Variants in PPP3CA observed in about 807,000 individuals in gnomAD.
The protein encoded by PPP3CA is CAM-PRP catalytic subunit.
A neutral mutation model predicts 66.5 loss-of-function variants in PPP3CA; 14 were observed. The ratio of observed to expected loss-of-function variants is 0.21; its 90% CI spans 0.14 to 0.33. The LOEUF (loss-of-function observed/expected upper bound fraction) is 0.33, where lower values mean the gene tolerates loss of function less well. Ranked by LOEUF, PPP3CA falls within the 10% of genes least tolerant of loss-of-function variation. The pLI is 1.00. For synonymous variants in PPP3CA, 232 were observed against 226.2 expected, an observed-to-expected ratio of 1.03 and a Z score of -0.23; for missense variants, 317 against 639.5, an observed-to-expected ratio of 0.50 and a Z score of 5.44.
At chr4:101,134,866 T>G (rs1289320087) in intron 2 of PPP3CA, among the ~76,000 whole-genome samples, 1 of 152,164 alleles carries the variant, frequency 6.6e-6, no homozygotes, top group Non-Finnish European at 1.5e-5. Context: ...AAAGAAAATG[T>G]GGCACATATA....
intron 1 of PPP3CA, among the ~76,000 whole-genome samples, chr4:101,328,145 GT>G (rs1729263673): frequency 6.6e-6 from 1 of 152,176 alleles, no homozygotes; most frequent in Admixed American, 6.5e-5. Context: ...AGGGCAGGGT[GT>G]TAAATCTTCT....
At chr4:101,109,734 T>A (rs979508152) in intron 2 of PPP3CA, among the ~76,000 whole-genome samples, 1 of 150,568 alleles carries the variant, frequency 6.6e-6, no homozygotes, top group African/African-American at 2.4e-5. Context: ...TGAAAAAAAC[T>A]ACAATTATTA....
intron 1 of PPP3CA, among the ~76,000 whole-genome samples, chr4:101,201,456 C>T (rs919216341): frequency 6.6e-6 from 1 of 152,196 alleles, no homozygotes; most frequent in East Asian, 1.9e-4. Context: ...TTTACCTAAT[C>T]CCAGGTTACA....
chr4:101,211,988 T>TA (rs1232914601), intron 1 of PPP3CA, among the ~76,000 whole-genome samples: 1 of 152,200 alleles, frequency 6.6e-6, no homozygotes, highest in African/African-American at 2.4e-5. Flanking sequence ...TAATACCTAC[T>TA]AAAGAAGCTA....
intron 1 of PPP3CA, among the ~76,000 whole-genome samples, chr4:101,344,710 A>C (rs1729923496): frequency 6.6e-6 from 1 of 152,206 alleles, no homozygotes. Flanking sequence ...CAGTAGAGAA[A>C]CTAAGCCAGA....
At chr4:101,309,071 G>A (rs922844732) in intron 1 of PPP3CA, among the ~76,000 whole-genome samples, 1 of 152,122 alleles carries the variant, frequency 6.6e-6, no homozygotes, top group African/African-American at 2.4e-5. Flanking sequence ...AGGCTACAGT[G>A]AGCCATGATT....
At chr4:101,169,486 GAGCATCAGTC>G (rs1427025980) in intron 2 of PPP3CA, among the ~76,000 whole-genome samples, 3 of 152,158 alleles carry the variant, frequency 2.0e-5, no homozygotes, top group Non-Finnish European at 4.4e-5. Context: ...CAACCCTGGG[GAGCATCAGTC>G]AGACTCTGAC....
At chr4:101,054,288 A>G (rs1310939734) in intron 10 of PPP3CA, among the ~76,000 whole-genome samples, 1 of 152,108 alleles carries the variant, frequency 6.6e-6, no homozygotes, top group African/African-American at 2.4e-5. Context: ...CTCTTAGTAT[A>G]TGTGCTGCTA....
intron 10 of PPP3CA, among the ~76,000 whole-genome samples, chr4:101,045,272 A>T (rs1171528836): frequency 6.6e-6 from 1 of 152,232 alleles, no homozygotes; most frequent in Non-Finnish European, 1.5e-5. Flanking sequence ...CAAATATTAT[A>T]TTGAAAGTAG....
intron 1 of PPP3CA, among the ~76,000 whole-genome samples, chr4:101,257,265 A>G (rs1343550544): frequency 6.6e-6 from 1 of 151,864 alleles, no homozygotes; most frequent in Admixed American, 6.6e-5. Flanking sequence ...TATTAAAGAA[A>G]TGGGTTGGTT....
chr4:101,156,860 T>A (rs770395355), intron 2 of PPP3CA, among the ~76,000 whole-genome samples: 1 of 152,300 alleles, frequency 6.6e-6, no homozygotes, highest in South Asian at 2.1e-4. Flanking sequence ...AGTCACTACA[T>A]GTTTTTAAAC....
chr4:101,051,747 C>T (rs542670443), intron 10 of PPP3CA, among the ~76,000 whole-genome samples: 9 of 152,116 alleles, frequency 5.9e-5, no homozygotes, highest in African/African-American at 1.7e-4. Context: ...TTTGCTTTCT[C>T]GAATAAATTT....
intron 1 of PPP3CA, among the ~76,000 whole-genome samples, chr4:101,219,727 G>A (rs1285166293): frequency 6.6e-6 from 1 of 151,762 alleles, no homozygotes; most frequent in Non-Finnish European, 1.5e-5. Flanking sequence ...CTTCAGTACT[G>A]TCATCTTGGG....
At chr4:101,167,490 AG>A (rs1473865054) in intron 2 of PPP3CA, among the ~76,000 whole-genome samples, 1 of 152,170 alleles carries the variant, frequency 6.6e-6, no homozygotes, top group Non-Finnish European at 1.5e-5. Context: ...CACTGGGAAT[AG>A]GGCAATGAAA....
At chr4:101,082,823 C>G (rs1729495939) in intron 7 of PPP3CA, among the ~76,000 whole-genome samples, 1 of 152,058 alleles carries the variant, frequency 6.6e-6, no homozygotes, top group Admixed American at 6.6e-5. Context: ...TAGTATAATT[C>G]TCATTCATAT....
intron 1 of PPP3CA, among the ~76,000 whole-genome samples, chr4:101,254,645 C>T (rs1726782974): frequency 6.6e-6 from 1 of 151,796 alleles, no homozygotes; most frequent in Non-Finnish European, 1.5e-5. Flanking sequence ...CAGACATGAT[C>T]CAAGAGAGAA....
At chr4:101,334,341 G>A (rs1031838958) in intron 1 of PPP3CA, among the ~76,000 whole-genome samples, 4 of 151,874 alleles carry the variant, frequency 2.6e-5, no homozygotes, top group African/African-American at 9.7e-5. Context: ...TGCCATGTTG[G>A]CCAGGCTGGT....
chr4:101,278,136 A>AAT (rs1553937787), intron 1 of PPP3CA, among the ~76,000 whole-genome samples: 4 of 145,916 alleles, frequency 2.7e-5, no homozygotes, highest in African/African-American at 1.1e-4. Context: ...AAAAAAAAAA[A>AAT]AAATAAAAAA....
intron 4 of PPP3CA, among the ~76,000 whole-genome samples, chr4:101,099,148 G>C (rs750190792): frequency 2.0e-5 from 3 of 152,014 alleles, no homozygotes; most frequent in Non-Finnish European, 4.4e-5. Context: ...GGAGGAAAAA[G>C]AAATTGAAAA....
Sources: gnomAD v4.1 joint callset for allele counts (sites outside exome capture counted in the v4.1 genomes callset) on GRCh38, gnomAD v4.1.1 for gene constraint, MANE v1.5 for transcripts, NCBI Gene and HGNC (gene_info 2026-07-23, HGNC 2026-07-21) for gene names.